The following RPH3A variants were observed in gnomAD, a reference collection of about 807,000 sequenced individuals.
RPH3A encodes the protein rabphilin 3A, also known as rabphilin-3A.
RPH3A carries 48 observed loss-of-function variants against 102.2 expected under a neutral mutation model. The observed-to-expected ratio is 0.47, with a 90% CI of 0.37 to 0.60. RPH3A has a LOEUF of 0.60. RPH3A is among the 20% of genes least tolerant of loss of function. The pLI, the probability that RPH3A is intolerant of heterozygous loss-of-function variation, is 0.00. For synonymous variants in RPH3A, 310 were observed against 324.3 expected, an observed-to-expected ratio of 0.96 and a Z score of 0.47; for missense variants, 781 against 910.1, an observed-to-expected ratio of 0.86 and a Z score of 1.83.
intron 2 of RPH3A, among the ~76,000 whole-genome samples, chr12:112,820,352 C>T (rs567934713): frequency 6.6e-6 from 1 of 152,270 alleles, no homozygotes; most frequent in Admixed American, 6.5e-5. Flanking sequence ...TCTTTCTTGC[C>T]TTCATTTTCA....
rs139754367 is a variant in RPH3A at position 112,854,575 on chromosome 12, G to A, written c.230+6733G>A. ...TGGTGGGGACTGGGATTATGAATCC[G>A]GGCTGGCTGGCTCCAGAATTAGGCT... On this transcript the variant is annotated intron_variant, in intron 5 of 21. Transcript: ENST00000389385. Among the ~76,000 whole-genome samples, 23 of 152,296 alleles carry A rather than the reference G, an allele frequency of 1.5e-4. No homozygotes were observed. The East Asian group carries it at 4.2e-3, about 28-fold the overall frequency.
intron 5 of RPH3A, among the ~76,000 whole-genome samples, chr12:112,852,100 T>G (rs1036129213): frequency 6.6e-6 from 1 of 152,166 alleles, no homozygotes; most frequent in Non-Finnish European, 1.5e-5. Flanking sequence ...CAGTCAGTGG[T>G]TGGGCTGGGC....
rs937725443 is a variant in RPH3A at position 112,897,632 on chromosome 12, AG to A, written c.*853del. On this transcript the variant is annotated 3_prime_UTR_variant, in exon 22 of 22. Transcript: ENST00000389385. ...ACACCGCAAAAACAACAGCAAAAAA[AG>A]TGTATGTTAACCTAGCCTCACCCCC... The A allele has an allele frequency of 6.6e-6, 1 of 152,304 alleles. No homozygotes were observed. The highest frequency in any genetic ancestry group is 2.4e-5 in the African/African-American group (1 of 41,424). 9.4% of individuals were successfully genotyped at this position (152,304 alleles called of 1,614,324 possible).
chr12:112,712,828 C>T (rs955384910), intron 1 of RPH3A, among the ~76,000 whole-genome samples: 62 of 152,170 alleles, frequency 4.1e-4, no homozygotes, highest in African/African-American at 1.5e-3. Context: ...CCTCCCATCT[C>T]AGCCTCCTGA....
intron 17 of RPH3A, among the ~76,000 whole-genome samples, chr12:112,888,234 C>G (rs1283990892): frequency 6.6e-6 from 1 of 152,236 alleles, no homozygotes; most frequent in Non-Finnish European, 1.5e-5. Context: ...GCTCCATGGC[C>G]TTGGCCAAGG....
chr12:112,638,091 GAGTA>G (rs1054576071), intron 1 of RPH3A, among the ~76,000 whole-genome samples: 6 of 152,080 alleles, frequency 3.9e-5, no homozygotes, highest in African/African-American at 1.2e-4. Context: ...TGGGGCAGGG[GAGTA>G]AGTGAGTTCC....
intron 5 of RPH3A, among the ~76,000 whole-genome samples, chr12:112,863,597 G>A (rs1196953617): frequency 1.3e-5 from 2 of 152,262 alleles, no homozygotes; most frequent in Non-Finnish European, 2.9e-5. Flanking sequence ...GGGATTACAG[G>A]CGTGAGCCAC....
chr12:112,768,249 G>T lies in RPH3A; in HGVS notation c.-139-23894G>T, dbSNP rs149758285. On this transcript the variant is annotated intron_variant, in intron 1 of 21. Coordinates refer to the RPH3A transcript ENST00000543106. ...CAATGGTTCCCCCTCCTCTCCCCTT[G>T]CTCCCCATCAGAACATTCAGTGGTG... 1.2e-3 allele frequency among the ~76,000 whole-genome samples: 185 copies of T among 152,196 alleles called. 1 individual carries two copies. The highest frequency in any genetic ancestry group is 4.2e-3 in the African/African-American group (174 of 41,530).
rs773122902 is a variant in RPH3A, at chr12:112,894,678, T to C, written c.1857+19T>C. Reference sequence around the variant, plus strand: ...CAATGAGGTAAGGCTGCCCTATTCTTTTTCATGCTCTGGGATATTTGCTGT... The same window carrying C: ...CAATGAGGTAAGGCTGCCCTATTCTCTTTCATGCTCTGGGATATTTGCTGT... On this transcript the variant is annotated intron_variant, in intron 20 of 21. Transcript: ENST00000389385. The C allele has an allele frequency of 1.9e-6, 3 of 1,608,778 alleles. No homozygotes were observed. The Admixed American group carries it at 5.1e-5, about 27-fold the overall frequency.
chr12:112,664,749 C>G (rs1403424176), intron 1 of RPH3A, among the ~76,000 whole-genome samples: 1 of 152,104 alleles, frequency 6.6e-6, no homozygotes, highest in Non-Finnish European at 1.5e-5. Flanking sequence ...GTCACATCCC[C>G]TCTGCGCAAC....
intron 12 of RPH3A, 115 bp from the exon 13 acceptor site, chr12:112,876,527 A>G (rs1941183267): frequency 1.4e-6 from 1 of 720,324 alleles, no homozygotes; most frequent in African/African-American, 1.8e-5. Context: ...GTCCCACTGC[A>G]TATCCACTGA....
intron 2 of RPH3A, among the ~76,000 whole-genome samples, chr12:112,795,909 T>A (rs2041218887): frequency 6.6e-6 from 1 of 152,156 alleles, no homozygotes; most frequent in Admixed American, 6.5e-5. Flanking sequence ...ATGGTAACAG[T>A]GAAATCACCC....
chr12:112,841,172 T>TAAAAAAAAAAAAAAAAA, intron 4 of RPH3A, among the ~76,000 whole-genome samples: 1 of 9,498 alleles, frequency 1.1e-4, no homozygotes, highest in East Asian at 4.1e-3. Context: ...ACCTTGTTTC[T>TAAAAAAAAAAAAAAAAA]TAAAAAAAAA....
intron 1 of RPH3A, among the ~76,000 whole-genome samples, chr12:112,576,674 C>A (rs1175342531): frequency 6.6e-6 from 1 of 152,030 alleles, no homozygotes; most frequent in African/African-American, 2.4e-5. Context: ...TATTTTCACG[C>A]CCCTGAAGCT....
intron 1 of RPH3A, among the ~76,000 whole-genome samples, chr12:112,603,489 C>T (rs554762489): frequency 6.6e-5 from 10 of 152,192 alleles, no homozygotes; most frequent in South Asian, 4.2e-4. Flanking sequence ...AGGAGGAACA[C>T]ACCCACCCTA....
At chr12:112,676,350 G>A (rs2040174262) in intron 1 of RPH3A, among the ~76,000 whole-genome samples, 1 of 152,168 alleles carries the variant, frequency 6.6e-6, no homozygotes, top group African/African-American at 2.4e-5. Context: ...CATTTCTGAG[G>A]TTCCCTACCA....
chr12:112,631,997 T>A (rs2039810070), intron 1 of RPH3A, among the ~76,000 whole-genome samples: 1 of 152,208 alleles, frequency 6.6e-6, no homozygotes, highest in Non-Finnish European at 1.5e-5. Flanking sequence ...CTCCCACAAT[T>A]TCCACATGTC....
At chr12:112,646,597 C>T (rs1015563944) in intron 1 of RPH3A, among the ~76,000 whole-genome samples, 1 of 152,218 alleles carries the variant, frequency 6.6e-6, no homozygotes, top group Admixed American at 6.5e-5. Context: ...CTTGGGGAGC[C>T]TCCCTTTTCT....
intron 1 of RPH3A, among the ~76,000 whole-genome samples, chr12:112,579,040 C>T (rs1316926171): frequency 6.6e-6 from 1 of 152,136 alleles, no homozygotes; most frequent in Non-Finnish European, 1.5e-5. Context: ...TTAAAGCTAT[C>T]GTGCCTGGGA....
Sources: gnomAD v4.1 joint callset for allele counts (sites outside exome capture counted in the v4.1 genomes callset) on GRCh38, gnomAD v4.1.1 for gene constraint, MANE v1.5 for transcripts, NCBI Gene and HGNC (gene_info 2026-07-23, HGNC 2026-07-21) for gene names.